The following CCDC146 variants were observed in gnomAD, a reference collection of about 807,000 sequenced individuals.
CCDC146 encodes coiled-coil domain-containing protein 146.
A neutral mutation model predicts 119.3 loss-of-function variants in CCDC146; 92 were observed. That is an observed-to-expected ratio of 0.77 (90% CI 0.65 to 0.92). The LOEUF (loss-of-function observed/expected upper bound fraction) is 0.92, where lower values mean the gene tolerates loss of function less well. CCDC146 is among the 40% of genes least tolerant of loss of function. The pLI, the probability that CCDC146 is intolerant of heterozygous loss-of-function variation, is 0.00. For synonymous variants in CCDC146, 372 were observed against 371.8 expected, an observed-to-expected ratio of 1.00 and a Z score of -0.01; for missense variants, 1,000 against 1,103.0, an observed-to-expected ratio of 0.91 and a Z score of 1.32.
At chr7:77,287,618 C>A in intron 17 of CCDC146, 41 bp downstream of exon 17, 2 of 1,588,462 alleles carry the variant, frequency 1.3e-6, no homozygotes, top group Non-Finnish European at 1.7e-6. Context: ...GCCCCTGCTC[C>A]TTTATTACCT....
chr7:77,261,553 C>G (rs970118639), intron 8 of CCDC146, among the ~76,000 whole-genome samples: 10 of 152,204 alleles, frequency 6.6e-5, no homozygotes, highest in Non-Finnish European at 1.3e-4. Context: ...TCTCGGCTCA[C>G]TGCAAGCTCC....
rs144507189 is a variant in CCDC146, at chr7:77,292,997, A to T, written c.2461A>T (p.Met821Leu). Reference sequence around the variant, plus strand: ...GATCAAAAATGCAACTGAGAAAATGATGGCTCTTGTTGCTGAGCTGTCCAT... The same window carrying T: ...GATCAAAAATGCAACTGAGAAAATGTTGGCTCTTGTTGCTGAGCTGTCCAT... ...RRIKNATEKM[M>L]ALVAELSMKQ... The change falls in exon 18 of 19, where the codon ATG becomes TTG. Residue 821 changes from methionine to leucine, a missense_variant. This residue lies in a region of CCDC146 where 985 missense variants were observed against 1,045.3 expected (regional missense o/e 0.94). Transcript: ENST00000285871. 1.9e-3 allele frequency: 3,048 copies of T among 1,614,070 alleles called. 37 individuals carry two copies. Among genetic ancestry groups the T allele is most frequent in the South Asian group, 0.018 (1,631 of 91,040 alleles).
At chr7:77,241,345 T>C (rs1308183239) in intron 3 of CCDC146, among the ~76,000 whole-genome samples, 2 of 95,160 alleles carry the variant, frequency 2.1e-5, no homozygotes, top group African/African-American at 5.5e-5. Flanking sequence ...GCATGAGCCA[T>C]CGCGCCCGGC....
intron 2 of CCDC146, among the ~76,000 whole-genome samples, chr7:77,180,928 T>A (rs1791577960): frequency 1.3e-5 from 2 of 152,362 alleles, no homozygotes; most frequent in South Asian, 4.1e-4. Flanking sequence ...GGAAAAAGAA[T>A]GTTATTTCAT....
chr7:77,206,626 C>G (rs1426777518), intron 2 of CCDC146, among the ~76,000 whole-genome samples: 1 of 149,060 alleles, frequency 6.7e-6, no homozygotes, highest in East Asian at 2.0e-4. Flanking sequence ...AAGCGAAACT[C>G]TGTCTCCAAA....
chr7:77,131,037 G>A (rs1423114963), intron 1 of CCDC146, among the ~76,000 whole-genome samples: 2 of 151,794 alleles, frequency 1.3e-5, no homozygotes, highest in South Asian at 2.1e-4. Flanking sequence ...GAATACTGGC[G>A]CATGCCACCA....
intron 1 of CCDC146, among the ~76,000 whole-genome samples, chr7:77,147,305 A>C (rs1325920965): frequency 6.6e-6 from 1 of 152,184 alleles, no homozygotes; most frequent in East Asian, 1.9e-4. Context: ...CTACTTAGCC[A>C]TTCGTCTAAT....
At chr7:77,138,345 T>A (rs1243258950) in intron 1 of CCDC146, among the ~76,000 whole-genome samples, 63 of 129,156 alleles carry the variant, frequency 4.9e-4, no homozygotes, top group African/African-American at 1.5e-3. Context: ...CAAAAAAAAA[T>A]GAATCTAAAC....
intron 4 of CCDC146, among the ~76,000 whole-genome samples, chr7:77,247,442 A>C (rs1368400004): frequency 6.6e-6 from 1 of 152,224 alleles, no homozygotes; most frequent in Non-Finnish European, 1.5e-5. Context: ...AATACCTGGG[A>C]AGTAAAATAC....
rs199778255 is a variant in CCDC146 at position 77,293,724 on chromosome 7, G to GTT, written c.2664+524_2664+525insTT. On this transcript the variant is annotated intron_variant, in intron 18 of 18. Coordinates refer to ENST00000285871, the MANE Select transcript of CCDC146 (RefSeq NM_020879.3). Reference sequence around the variant, plus strand: ...CTGGCCTAAGACTAGGTCTATTGCTGACTCCCCCTGCAAGTTAGATAGCAG... The same window carrying GTT: ...CTGGCCTAAGACTAGGTCTATTGCTGTTACTCCCCCTGCAAGTTAGATAGCAG... Among the ~76,000 whole-genome samples, 109 of 152,276 alleles carry GTT rather than the reference G, an allele frequency of 7.2e-4. No homozygotes were observed. In the East Asian group the frequency reaches 0.021, roughly 29 times the overall value.
At chr7:77,151,304 C>G (rs145923191) in intron 1 of CCDC146, among the ~76,000 whole-genome samples, 3 of 152,184 alleles carry the variant, frequency 2.0e-5, no homozygotes, top group African/African-American at 4.8e-5. Context: ...CATAAAAATT[C>G]TGTTCACAAC....
intron 1 of CCDC146, among the ~76,000 whole-genome samples, chr7:77,142,226 G>T (rs560621723): frequency 6.6e-6 from 1 of 152,228 alleles, no homozygotes; most frequent in East Asian, 1.9e-4. Context: ...GGGCAATCAG[G>T]CAAGAGAAAG....
chr7:77,180,142 CCATATATATGCACCCATATGTATGT>C (rs1562824360), intron 2 of CCDC146, among the ~76,000 whole-genome samples: 6 of 149,660 alleles, frequency 4.0e-5, no homozygotes, highest in Non-Finnish European at 7.4e-5. Context: ...TATGTATGTA[CCATATATATGCACCCATATGTATGT>C]ACCATATATA....
chr7:77,141,318 C>G (rs1030957426), intron 1 of CCDC146, among the ~76,000 whole-genome samples: 3 of 152,144 alleles, frequency 2.0e-5, no homozygotes, highest in African/African-American at 7.2e-5. Context: ...CAGTCTATCA[C>G]TGATGGGCAT....
At position 77,262,305 on chromosome 7, in the gene CCDC146, G is replaced by T. The variant is rs1793315645; in HGVS notation, c.1171G>T (p.Glu391Ter). Residue 391 changes from glutamate to a stop codon, truncating the protein, a stop_gained and splice_region_variant, in exon 9 of 19, where the codon GAG becomes TAG. Transcript: ENST00000285871. LOFTEE classifies it high-confidence loss of function. ...TQALHQRLLL[E>*]MEAIPKDDST... ...AGCACTGCATCAAAGGCTTCTATTA[G>T]AGGTGAGGGCTGTAAACTACCATCT... is the stretch of plus-strand genomic sequence containing the variant. 2 of 1,589,404 alleles carry T rather than the reference G, an allele frequency of 1.3e-6. No homozygotes were observed. The highest frequency in any genetic ancestry group is 2.7e-5 in the African/African-American group (2 of 73,924).
In CCDC146 at chr7:77,286,764, G is replaced by A. The variant is rs185877221; in HGVS notation, c.2149-34G>A. On this transcript the variant is annotated intron_variant, in intron 15 of 18. Coordinates refer to ENST00000285871, the MANE Select transcript of CCDC146 (RefSeq NM_020879.3). ...ATTTTCAGATTAACTGAGCTAGAGC[G>A]TTCATTTTAAAGTTAATGTTTTTTT... is the stretch of plus-strand genomic sequence containing the variant. The A allele has an allele frequency of 1.1e-3, 1,810 of 1,606,964 alleles. 1 individual carries two copies. The highest frequency in any genetic ancestry group is 1.3e-3 in the Non-Finnish European group (1,492 of 1,175,460).
chr7:77,191,390 C>G (rs1355099865), intron 2 of CCDC146, among the ~76,000 whole-genome samples: 1 of 152,130 alleles, frequency 6.6e-6, no homozygotes, highest in African/African-American at 2.4e-5. Flanking sequence ...TAACTGTGGC[C>G]TCTTTAGAGT....
At chr7:77,231,908 A>G (rs1792637931) in intron 2 of CCDC146, among the ~76,000 whole-genome samples, 1 of 150,786 alleles carries the variant, frequency 6.6e-6, no homozygotes, top group Non-Finnish European at 1.5e-5. Flanking sequence ...CAAGTCTCAT[A>G]ATTTTTCATT....
intron 3 of CCDC146, 36 bp downstream of exon 3, chr7:77,237,065 A>G: frequency 6.5e-7 from 1 of 1,538,792 alleles, no homozygotes; most frequent in South Asian, 1.1e-5. Context: ...ATGATTAATC[A>G]CCTTTAAATT....
Sources: gnomAD v4.1 joint callset for allele counts (sites outside exome capture counted in the v4.1 genomes callset) on GRCh38, gnomAD v4.1.1 for gene constraint, gnomAD v4.1.1 regional missense constraint, MANE v1.5 for transcripts, NCBI Gene and HGNC (gene_info 2026-07-23, HGNC 2026-07-21) for gene names.